The following SYNJ2 variants were observed in gnomAD, a reference collection of about 807,000 sequenced individuals.
SYNJ2 encodes polyphosphatidylinositol phosphatase SYNJ2.
Under a neutral mutation model 141.3 loss-of-function variants are expected in SYNJ2, and 116 were observed. The observed-to-expected ratio is 0.82, with a 90% CI of 0.71 to 0.96. The LOEUF (loss-of-function observed/expected upper bound fraction) is 0.96. Ranked by LOEUF, SYNJ2 falls within the 40% of genes least tolerant of loss-of-function variation. SYNJ2 has a pLI of 0.00. For missense variants in SYNJ2, 1,873 were observed against 1,934.8 expected (o/e 0.97, Z 0.60); for synonymous variants, 745 against 777.7 (o/e 0.96, Z 0.70).
chr6:158,037,637 G>A (rs913345280), intron 4 of SYNJ2, among the ~76,000 whole-genome samples: 8 of 151,946 alleles, frequency 5.3e-5, no homozygotes, highest in Admixed American at 1.3e-4. Context: ...TCCTGACCTC[G>A]TGATCTGCCC....
Position 158,006,818 on chromosome 6 carries a change from G to A in SYNJ2, c.128-10386G>A, listed in dbSNP as rs769511835. 7.2e-5 allele frequency among the ~76,000 whole-genome samples: 11 copies of A among 152,206 alleles called. No individual in the cohort carries two copies. The South Asian group carries it at 8.3e-4, about 12-fold the overall frequency. On this transcript the variant is annotated intron_variant, in intron 1 of 26. Transcript: ENST00000355585. ...CTCCCAAGTAGCTGTGATTACAGGC[G>A]CATGCCACCACACCCAGCTAAATTT...
intron 1 of SYNJ2, among the ~76,000 whole-genome samples, chr6:157,986,317 G>A (rs1777202029): frequency 6.6e-6 from 1 of 152,144 alleles, no homozygotes; most frequent in South Asian, 2.1e-4. Context: ...ATGCAAACTG[G>A]GATGGTGTGT....
intron 2 of SYNJ2, 112 bp downstream of exon 2, chr6:158,017,402 C>CT: frequency 7.9e-6 from 7 of 890,676 alleles, no homozygotes; most frequent in Admixed American, 3.7e-5. Flanking sequence ...TTCTCTCTCT[C>CT]TTCTTTTTTT....
chr6:158,033,407 T>C, intron 3 of SYNJ2, 48 bp from the exon 4 acceptor site: 1 of 1,590,752 alleles, frequency 6.3e-7, no homozygotes, highest in East Asian at 2.2e-5. Flanking sequence ...GCAGCATGTA[T>C]TGGAGGATGT....
At chr6:158,041,793 C>T (rs1779961089) in intron 4 of SYNJ2, among the ~76,000 whole-genome samples, 3 of 152,342 alleles carry the variant, frequency 2.0e-5, no homozygotes, top group South Asian at 2.1e-4. Flanking sequence ...ACTGCAGCCT[C>T]ATCCTCCTGG....
In SYNJ2 at chr6:157,985,159, A is replaced by C. The variant is rs1045661733; in HGVS notation, c.127+3071A>C. Among the ~76,000 whole-genome samples the C allele has an allele frequency of 3.3e-5, 5 of 151,090 alleles. No homozygotes were observed. In the East Asian group the frequency reaches 9.6e-4, roughly 29 times the overall value. On this transcript the variant is annotated intron_variant, in intron 1 of 26. Coordinates refer to ENST00000355585, the MANE Select transcript of SYNJ2 (RefSeq NM_003898.4). ...TCATTTTCAGGCAAGGCCTGGAGACAGGGGCTTGAACTGGGCTGTGATTTT... is the reference window on the plus strand; with the variant it reads ...TCATTTTCAGGCAAGGCCTGGAGACCGGGGCTTGAACTGGGCTGTGATTTT...
chr6:158,083,908 C>T (rs1289541670), intron 21 of SYNJ2, 93 bp from the exon 22 acceptor site: 5 of 1,446,944 alleles, frequency 3.5e-6, no homozygotes, highest in Non-Finnish European at 4.9e-6. Flanking sequence ...GTGCACGTGT[C>T]CTGACAGGAG....
At position 158,043,586 on chromosome 6, in the gene SYNJ2, G is replaced by A. The variant is rs773662220; in HGVS notation, c.795+187G>A. Among the ~76,000 whole-genome samples, 11 of 152,186 alleles carry A rather than the reference G, an allele frequency of 7.2e-5. No individual in the cohort carries two copies. Among genetic ancestry groups the A allele is most frequent in the Non-Finnish European group, 8.8e-5 (6 of 68,038 alleles). On this transcript the variant is annotated intron_variant, in intron 5 of 26. Coordinates refer to ENST00000355585, the MANE Select transcript of SYNJ2 (RefSeq NM_003898.4). The surrounding 1 kb of genome is among the most constrained non-coding windows in gnomAD (Gnocchi z 4.0). The stretch of plus-strand genomic sequence containing the variant: ...CACGTGTGTGCATATGCATGCGTGC[G>A]TGTGTGTAGAAAACACAGACACCAC...
chr6:158,002,636 G>A (rs1777905736), intron 1 of SYNJ2, among the ~76,000 whole-genome samples: 2 of 152,346 alleles, frequency 1.3e-5, no homozygotes, highest in South Asian at 4.1e-4. Context: ...CTGGTGGCTA[G>A]GAAACATTGC....
intron 1 of SYNJ2, among the ~76,000 whole-genome samples, chr6:157,997,032 C>G (rs1317337422): frequency 7.0e-6 from 1 of 143,452 alleles, no homozygotes; most frequent in Non-Finnish European, 1.5e-5. Context: ...ACCCCACCCC[C>G]CCCCACCCAG....
At chr6:158,023,202 G>A (rs1778866181) in intron 2 of SYNJ2, among the ~76,000 whole-genome samples, 1 of 150,504 alleles carries the variant, frequency 6.6e-6, no homozygotes, top group South Asian at 2.1e-4. Context: ...AAGTTGCAGT[G>A]TACTGAGATC....
chr6:158,011,917 T>C (rs1269652704), intron 1 of SYNJ2, among the ~76,000 whole-genome samples: 1 of 152,126 alleles, frequency 6.6e-6, no homozygotes, highest in Admixed American at 6.5e-5. Flanking sequence ...GTATTTTTGG[T>C]GTCGGAATTA....
At chr6:158,029,286 T>C (rs1331139695) in intron 3 of SYNJ2, 2 of 366,912 alleles carry the variant, frequency 5.5e-6, no homozygotes, top group Middle Eastern at 7.6e-4. Flanking sequence ...TGGTGCCTCA[T>C]GCCTGTAATC....
chr6:158,026,627 G>A (rs1407043675), intron 2 of SYNJ2, among the ~76,000 whole-genome samples: 1 of 152,186 alleles, frequency 6.6e-6, no homozygotes, highest in African/African-American at 2.4e-5. Context: ...GTCCTGCCCA[G>A]GAAATGCACC....
At chr6:158,004,295 A>C (rs997585398) in intron 1 of SYNJ2, among the ~76,000 whole-genome samples, 2 of 152,160 alleles carry the variant, frequency 1.3e-5, no homozygotes, top group Non-Finnish European at 2.9e-5. Flanking sequence ...ACAGGTCATA[A>C]AGGCCTTACT....
intron 4 of SYNJ2, among the ~76,000 whole-genome samples, chr6:158,034,322 G>C (rs1779526028): frequency 6.6e-6 from 1 of 152,190 alleles, no homozygotes; most frequent in Non-Finnish European, 1.5e-5. Context: ...GAATACAGTG[G>C]TGTAAGCCAT....
intron 25 of SYNJ2, among the ~76,000 whole-genome samples, chr6:158,090,890 T>C (rs907871551): frequency 5.9e-5 from 9 of 152,170 alleles, no homozygotes; most frequent in African/African-American, 2.2e-4. Context: ...TTGCTTAATT[T>C]GCTTTTAGTC....
chr6:158,085,266 C>T (rs139661228), intron 22 of SYNJ2, among the ~76,000 whole-genome samples: 33 of 152,204 alleles, frequency 2.2e-4, no homozygotes, highest in African/African-American at 7.5e-4. Context: ...AGTGACCCTC[C>T]TACCTGGGCC....
At chr6:158,050,533 G>C (rs1159187103) in intron 5 of SYNJ2, among the ~76,000 whole-genome samples, 2 of 152,244 alleles carry the variant, frequency 1.3e-5, no homozygotes, top group Admixed American at 6.5e-5. Flanking sequence ...GCCTGTGACA[G>C]TTGGGCCCAG....
Sources: gnomAD v4.1 joint callset for allele counts (sites outside exome capture counted in the v4.1 genomes callset) on GRCh38, gnomAD v4.1.1 for gene constraint, Gnocchi (gnomAD v3.1) non-coding constraint, MANE v1.5 for transcripts, NCBI Gene and HGNC (gene_info 2026-07-23, HGNC 2026-07-21) for gene names.